The following NAALADL2 variants were observed in gnomAD, a reference collection of about 807,000 sequenced individuals.
NAALADL2 encodes N-acetylated alpha-linked acidic dipeptidase like 2.
A neutral mutation model predicts 87.2 loss-of-function variants in NAALADL2; 76 were observed. The observed-to-expected ratio is 0.87, with a 90% CI of 0.72 to 1.05. The LOEUF is 1.05. Among genes scored for constraint, NAALADL2 ranks in the 50% least tolerant of loss-of-function variants. The pLI is 0.00. For synonymous variants in NAALADL2, 354 were observed against 331.0 expected (o/e 1.07, Z -0.75); for missense variants, 1,089 against 945.8 (o/e 1.15, Z -1.99).
At chr3:174,610,525 G>C (rs1472597332) in intron 2 of NAALADL2, among the ~76,000 whole-genome samples, 2 of 152,116 alleles carry the variant, frequency 1.3e-5, no homozygotes, top group African/African-American at 4.8e-5. Flanking sequence ...AGACTGTTCT[G>C]AAAAGAAGAC....
chr3:175,727,042 C>A (rs899239193), intron 11 of NAALADL2, among the ~76,000 whole-genome samples: 1 of 152,122 alleles, frequency 6.6e-6, no homozygotes, highest in Non-Finnish European at 1.5e-5. Flanking sequence ...AATTAAATTT[C>A]AGTGGAGACA....
chr3:175,748,313 T>G (rs1432270146), intron 12 of NAALADL2, among the ~76,000 whole-genome samples: 2 of 152,220 alleles, frequency 1.3e-5, no homozygotes, highest in East Asian at 3.9e-4. Context: ...ATAGAAAATG[T>G]ATGATAAAAA....
At chr3:175,094,125 T>TCCA (rs1560017258) in intron 1 of NAALADL2, among the ~76,000 whole-genome samples, 1 of 150,876 alleles carries the variant, frequency 6.6e-6, no homozygotes, top group Non-Finnish European at 1.5e-5. Flanking sequence ...CAATGTTTTT[T>TCCA]AAAAAAAAAC....
intron 2 of NAALADL2, among the ~76,000 whole-genome samples, chr3:175,194,251 C>T (rs1231134859): frequency 1.3e-5 from 2 of 151,756 alleles, no homozygotes; most frequent in Non-Finnish European, 3.0e-5. Context: ...TGAAATTTTG[C>T]TTATGGCATC....
chr3:174,932,545 T>C (rs1737063706), intron 1 of NAALADL2, among the ~76,000 whole-genome samples: 1 of 152,162 alleles, frequency 6.6e-6, no homozygotes, highest in African/African-American at 2.4e-5. Context: ...TGAAGAGTCA[T>C]TGGGCATATT....
chr3:175,695,294 C>T (rs892104496), intron 11 of NAALADL2, among the ~76,000 whole-genome samples: 1 of 151,992 alleles, frequency 6.6e-6, no homozygotes, highest in East Asian at 1.9e-4. Context: ...GTTTATTTTT[C>T]CAATGTCTGT....
Position 174,931,409 on chromosome 3 carries a change from C to T in NAALADL2, c.43+71959C>T, listed in dbSNP as rs188459883. ...CACTTTTCCAAACATAAGATGGGAA[C>T]GATACTAAAAGTGCCATATCGTAGA... is the stretch of plus-strand genomic sequence containing the variant. On this transcript the variant is annotated intron_variant, in intron 1 of 13. Coordinates refer to ENST00000454872, the MANE Select transcript of NAALADL2 (RefSeq NM_207015.3). Among the ~76,000 whole-genome samples, 21 of 152,050 alleles carry T rather than the reference C, an allele frequency of 1.4e-4. No individual in the cohort carries two copies. In the East Asian group the frequency reaches 1.6e-3, roughly 11 times the overall value.
At chr3:175,175,045 T>C (rs1735510476) in intron 2 of NAALADL2, among the ~76,000 whole-genome samples, 1 of 152,070 alleles carries the variant, frequency 6.6e-6, no homozygotes, top group Non-Finnish European at 1.5e-5. Context: ...TTTTTCGTTG[T>C]ATCATTAAAA....
intron 1 of NAALADL2, among the ~76,000 whole-genome samples, chr3:174,985,934 G>A (rs61384744): frequency 0.019 from 2,936 of 151,732 alleles, 77 homozygotes; most frequent in African/African-American, 0.067. Context: ...CCTGGGCAAC[G>A]AGAGCGAAAC....
At chr3:174,469,564 G>T (rs192042495) in intron 1 of NAALADL2, among the ~76,000 whole-genome samples, 1 of 152,122 alleles carries the variant, frequency 6.6e-6, no homozygotes, top group East Asian at 1.9e-4. Context: ...GAGTAGCTGG[G>T]ACTACAGGTA....
chr3:174,916,172 C>T lies in NAALADL2; in HGVS notation c.43+56722C>T, dbSNP rs563909051. Among the ~76,000 whole-genome samples the T allele has an allele frequency of 2.2e-4, 33 of 152,220 alleles. 1 individual carries two copies. The South Asian group carries it at 6.2e-3, about 29-fold the overall frequency. On this transcript the variant is annotated intron_variant, in intron 1 of 13. Coordinates refer to ENST00000454872, the MANE Select transcript of NAALADL2 (RefSeq NM_207015.3). ...AATTAAAACCATGATGAGATACCACCTTACTCCTGCAAGAACGGCCATAAT... is the reference window on the plus strand; with the variant it reads ...AATTAAAACCATGATGAGATACCACTTTACTCCTGCAAGAACGGCCATAAT...
chr3:174,690,090 G>A (rs1728422674), intron 2 of NAALADL2, among the ~76,000 whole-genome samples: 1 of 152,068 alleles, frequency 6.6e-6, no homozygotes, highest in African/African-American at 2.4e-5. Flanking sequence ...TAGAAGTCAT[G>A]ACAGAACTGT....
intron 2 of NAALADL2, among the ~76,000 whole-genome samples, chr3:174,593,333 G>GACTGGGT (rs1717575249): frequency 2.0e-5 from 3 of 152,148 alleles, no homozygotes; most frequent in Non-Finnish European, 4.4e-5. Context: ...GTACATGTCA[G>GACTGGGT]ACACCGTTGC....
intron 3 of NAALADL2, among the ~76,000 whole-genome samples, chr3:174,757,689 G>A (rs1370214274): frequency 6.6e-6 from 1 of 151,522 alleles, no homozygotes; most frequent in African/African-American, 2.4e-5. Flanking sequence ...TTTTTTTGTA[G>A]AGACAGGGTT....
At chr3:175,501,920 C>A (rs1729601801) in intron 9 of NAALADL2, among the ~76,000 whole-genome samples, 1 of 151,976 alleles carries the variant, frequency 6.6e-6, no homozygotes, top group Admixed American at 6.6e-5. Flanking sequence ...AAGTCAAGTA[C>A]TATCATGGAA....
chr3:174,560,617 C>T (rs951500873), intron 2 of NAALADL2, among the ~76,000 whole-genome samples: 2 of 152,006 alleles, frequency 1.3e-5, no homozygotes, highest in African/African-American at 4.8e-5. Flanking sequence ...TTTTAATATT[C>T]TACTGTATTT....
At chr3:174,706,774 A>C (rs1215025068) in intron 2 of NAALADL2, among the ~76,000 whole-genome samples, 2 of 152,162 alleles carry the variant, frequency 1.3e-5, no homozygotes, top group African/African-American at 2.4e-5. Flanking sequence ...TTTTAGGTCT[A>C]ACATTTAAGT....
At chr3:174,870,306 C>A (rs186260180) in intron 1 of NAALADL2, among the ~76,000 whole-genome samples, 58 of 152,198 alleles carry the variant, frequency 3.8e-4, no homozygotes, top group African/African-American at 1.3e-3. Flanking sequence ...CTTTGAAAAG[C>A]AATGGAACAC....
chr3:174,976,692 A>G (rs541399929), intron 1 of NAALADL2, among the ~76,000 whole-genome samples: 70 of 152,368 alleles, frequency 4.6e-4, no homozygotes, highest in Non-Finnish European at 9.3e-4. Flanking sequence ...CATCAAATAC[A>G]TTCATCAAAC....
Sources: gnomAD v4.1 joint callset for allele counts (sites outside exome capture counted in the v4.1 genomes callset) on GRCh38, gnomAD v4.1.1 for gene constraint, MANE v1.5 for transcripts, NCBI Gene and HGNC (gene_info 2026-07-23, HGNC 2026-07-21) for gene names.